Variants in CACNG2 observed in about 807,000 individuals in gnomAD.
The protein encoded by CACNG2 is voltage-dependent calcium channel gamma-2 subunit.
CACNG2 carries 3 observed loss-of-function variants against 25.9 expected under a neutral mutation model. That is an observed-to-expected ratio of 0.12 (90% confidence interval 0.05 to 0.30). The LOEUF (loss-of-function observed/expected upper bound fraction) is 0.30. Ranked by LOEUF, CACNG2 falls within the 10% of genes least tolerant of loss-of-function variation. The probability of loss-of-function intolerance (pLI) is 1.00; values close to 1 mark genes in which losing one functional copy is unlikely to be tolerated. For synonymous variants in CACNG2, 167 were observed against 173.3 expected, an observed-to-expected ratio of 0.96 and a Z score of 0.29; for missense variants, 341 against 432.5, an observed-to-expected ratio of 0.79 and a Z score of 1.88.
chr22:36,592,531 G>A (rs150663731), intron 1 of CACNG2, among the ~76,000 whole-genome samples: 15 of 152,202 alleles, frequency 9.9e-5, no homozygotes, highest in East Asian at 3.9e-4. Flanking sequence ...TACAACATTC[G>A]CTGTTGTTTT....
At chr22:36,603,390 T>C (rs1935782232) in intron 1 of CACNG2, among the ~76,000 whole-genome samples, 2 of 152,220 alleles carry the variant, frequency 1.3e-5, no homozygotes, top group Admixed American at 1.3e-4. Context: ...CAAGTGCTGA[T>C]GGAGAAGCTG....
intron 1 of CACNG2, among the ~76,000 whole-genome samples, chr22:36,630,527 G>T (rs1392875440): frequency 6.6e-6 from 1 of 152,106 alleles, no homozygotes; most frequent in Non-Finnish European, 1.5e-5. Flanking sequence ...CATAAATCCA[G>T]GTTCATTGAA....
intron 1 of CACNG2, among the ~76,000 whole-genome samples, chr22:36,642,388 T>A (rs1266173606): frequency 6.6e-6 from 1 of 152,172 alleles, no homozygotes; most frequent in Non-Finnish European, 1.5e-5. Context: ...TAGTAATCTG[T>A]CACAAATACC....
intron 1 of CACNG2, among the ~76,000 whole-genome samples, chr22:36,686,461 C>G (rs1236184908): frequency 6.6e-6 from 1 of 152,154 alleles, no homozygotes; most frequent in African/African-American, 2.4e-5. Flanking sequence ...GGAGCTCCCC[C>G]AAGGGTATCA....
At chr22:36,655,768 C>A (rs567683249) in intron 1 of CACNG2, among the ~76,000 whole-genome samples, 1 of 117,284 alleles carries the variant, frequency 8.5e-6, no homozygotes, top group Non-Finnish European at 1.6e-5. Flanking sequence ...CTTTCTTTCT[C>A]TTTCTTTCCT....
intron 1 of CACNG2, among the ~76,000 whole-genome samples, chr22:36,660,815 A>T (rs188391778): frequency 6.6e-6 from 1 of 152,208 alleles, no homozygotes; most frequent in East Asian, 1.9e-4. Flanking sequence ...CTCACTCACA[A>T]CCTACTCTGC....
At chr22:36,631,067 G>A (rs761877565) in intron 1 of CACNG2, among the ~76,000 whole-genome samples, 4 of 152,158 alleles carry the variant, frequency 2.6e-5, no homozygotes, top group African/African-American at 4.8e-5. Flanking sequence ...CTGACCTCGT[G>A]ATCCACCCGC....
intron 1 of CACNG2, among the ~76,000 whole-genome samples, chr22:36,685,229 TC>T (rs1354179176): frequency 6.6e-6 from 1 of 152,120 alleles, no homozygotes; most frequent in Non-Finnish European, 1.5e-5. Context: ...CTGCTGCTGT[TC>T]CTCTTCGCTC....
chr22:36,684,053 G>T (rs1051536314), intron 1 of CACNG2, among the ~76,000 whole-genome samples: 1 of 152,150 alleles, frequency 6.6e-6, no homozygotes, highest in African/African-American at 2.4e-5. Flanking sequence ...AAAAGCTGAT[G>T]AGTAATGGGG....
chr22:36,651,687 T>C (rs1329211885), intron 1 of CACNG2, among the ~76,000 whole-genome samples: 1 of 142,994 alleles, frequency 7.0e-6, no homozygotes, highest in East Asian at 1.9e-4. Flanking sequence ...GGAATATTTG[T>C]CTTTTTTTGT....
intron 1 of CACNG2, among the ~76,000 whole-genome samples, chr22:36,652,676 A>G (rs1282715358): frequency 1.3e-5 from 2 of 152,138 alleles, no homozygotes; most frequent in African/African-American, 4.8e-5. Flanking sequence ...ATGACACTGT[A>G]AGGGCAGAAA....
chr22:36,701,585 C>A (rs575764621), intron 1 of CACNG2, among the ~76,000 whole-genome samples: 2 of 151,086 alleles, frequency 1.3e-5, no homozygotes, highest in Admixed American at 1.3e-4. Flanking sequence ...ATTCTCAAGC[C>A]GGCTGCAATG....
At chr22:36,613,697 T>C (rs1273812095) in intron 1 of CACNG2, among the ~76,000 whole-genome samples, 2 of 152,134 alleles carry the variant, frequency 1.3e-5, no homozygotes, top group African/African-American at 2.4e-5. Flanking sequence ...AGTCTTTATA[T>C]ACAACCCAGT....
At chr22:36,693,501 C>T (rs1937293744) in intron 1 of CACNG2, among the ~76,000 whole-genome samples, 1 of 152,218 alleles carries the variant, frequency 6.6e-6, no homozygotes, top group Non-Finnish European at 1.5e-5. Flanking sequence ...AAGCCCTCAA[C>T]AACCAGTGAC....
chr22:36,631,178 C>T (rs2076275303), intron 1 of CACNG2, among the ~76,000 whole-genome samples: 1 of 152,130 alleles, frequency 6.6e-6, no homozygotes, highest in Non-Finnish European at 1.5e-5. Context: ...CAACTCGGTA[C>T]ACGTGTGAGA....
Position 36,563,360 on chromosome 22 carries a change from G to A in CACNG2, c.*991C>T, listed in dbSNP as rs902276466. On this transcript the variant is annotated 3_prime_UTR_variant, in exon 4 of 4. Transcript: ENST00000300105. ...GGGTGAGGAGGGAGAGCTGTTTCAT[G>A]TCCCCCGGGGGGGGGGGTGGCATCT... Among the ~76,000 whole-genome samples the A allele has an allele frequency of 2.8e-4, 20 of 72,086 alleles. No individual in the cohort carries two copies. The highest frequency in any genetic ancestry group is 2.2e-3 in the African/African-American group (20 of 9,240). The allele number at this position is 72,086 out of a possible 152,430, so 47.3% of individuals were successfully genotyped here.
rs541126733 is a variant in CACNG2, at chr22:36,621,091, C to T, written c.212-33543G>A. Among the ~76,000 whole-genome samples, 3 of 152,352 alleles carry T rather than the reference C, an allele frequency of 2.0e-5. No homozygotes were observed. The East Asian group carries it at 5.8e-4, about 29-fold the overall frequency. The stretch of plus-strand genomic sequence containing the variant: ...GTGACTTGCTTTTGGATTAAACTTG[C>T]TGCCTGGATGAATGTCTAATGGATC... On this transcript the variant is annotated intron_variant, in intron 1 of 3. Transcript: ENST00000300105.
At chr22:36,620,444 G>A (rs897916922) in intron 1 of CACNG2, among the ~76,000 whole-genome samples, 3 of 152,192 alleles carry the variant, frequency 2.0e-5, no homozygotes, top group African/African-American at 7.2e-5. Context: ...GATTCTAATG[G>A]TATTTTTTCC....
At chr22:36,632,560 A>T (rs1936291451) in intron 1 of CACNG2, among the ~76,000 whole-genome samples, 1 of 148,566 alleles carries the variant, frequency 6.7e-6, no homozygotes, top group Admixed American at 6.8e-5. Context: ...GCATCCTCTC[A>T]TGACTCATGA....
Sources: allele counts gnomAD v4.1 joint callset (sites outside exome capture counted in the v4.1 genomes callset), GRCh38; gene constraint gnomAD v4.1.1; transcripts MANE v1.5; gene names NCBI Gene and HGNC (gene_info 2026-07-23, HGNC 2026-07-21).